Variants in MIS18BP1 observed in about 807,000 individuals in gnomAD.
The protein encoded by MIS18BP1 is mis18-binding protein 1.
A neutral mutation model predicts 116.1 loss-of-function variants in MIS18BP1; 72 were observed. The ratio of observed to expected loss-of-function variants is 0.62; its 90% CI spans 0.51 to 0.75. The LOEUF (loss-of-function observed/expected upper bound fraction) is 0.75. MIS18BP1 is among the 30% of genes least tolerant of loss of function. The pLI is 0.00. For missense variants in MIS18BP1, 1,363 were observed against 1,303.2 expected (o/e 1.05, Z -0.71); for synonymous variants, 386 against 427.0 (o/e 0.90, Z 1.18).
intron 13 of MIS18BP1, among the ~76,000 whole-genome samples, chr14:45,214,173 G>C (rs746842592): frequency 1.1e-4 from 16 of 152,174 alleles, no homozygotes; most frequent in Non-Finnish European, 1.6e-4. Flanking sequence ...TAGTAAAATA[G>C]GAAGTCCTCT....
chr14:45,228,278 T>G (rs1457388839), intron 8 of MIS18BP1, among the ~76,000 whole-genome samples: 3 of 152,256 alleles, frequency 2.0e-5, no homozygotes, highest in African/African-American at 7.2e-5. Context: ...CTACGCTACA[T>G]TTTGTTTGAA....
intron 11 of MIS18BP1, among the ~76,000 whole-genome samples, chr14:45,220,707 C>T (rs1449869656): frequency 6.6e-6 from 1 of 152,174 alleles, no homozygotes; most frequent in Non-Finnish European, 1.5e-5. Context: ...TGAAAGAATG[C>T]ACCCTAATTT....
At position 45,204,284 on chromosome 14, in the gene MIS18BP1, A is replaced by G. The variant is rs766454872; in HGVS notation, c.3296-72T>C. 5.0e-5 allele frequency: 77 copies of G among 1,537,090 alleles called. No homozygotes were observed. The Middle Eastern group carries it at 2.3e-3, about 46-fold the overall frequency. On this transcript the variant is annotated intron_variant, in intron 16 of 16. Coordinates refer to ENST00000310806, the MANE Select transcript of MIS18BP1 (RefSeq NM_018353.5). ...TTTCAATAAAACTGAAAACAACTAT[A>G]AGGAATAAAATGCTAAGTCTGTCCA... is the stretch of plus-strand genomic sequence containing the variant.
At chr14:45,239,168 T>A (rs1282650494) in intron 4 of MIS18BP1, among the ~76,000 whole-genome samples, 1 of 152,222 alleles carries the variant, frequency 6.6e-6, no homozygotes, top group Non-Finnish European at 1.5e-5. Context: ...TGTTGAGTTC[T>A]ACACACTGTT....
intron 6 of MIS18BP1, 110 bp downstream of exon 6, chr14:45,235,704 C>A (rs1340952092): frequency 2.3e-6 from 2 of 862,618 alleles, no homozygotes; most frequent in Admixed American, 3.6e-5. Context: ...TTGATTTATT[C>A]ATAATTTAAA....
chr14:45,227,502 G>A (rs990722916), intron 9 of MIS18BP1, among the ~76,000 whole-genome samples, 161 bp downstream of exon 9: 1 of 147,842 alleles, frequency 6.8e-6, no homozygotes, highest in Non-Finnish European at 1.5e-5. Flanking sequence ...CCGAGATCAC[G>A]CCACTGCACT....
In MIS18BP1 at chr14:45,224,717, C is replaced by A; in HGVS notation, c.1870G>T (p.Asp624Tyr). The A allele has an allele frequency of 1.9e-6, 3 of 1,592,946 alleles. No homozygotes were observed. The highest frequency in any genetic ancestry group is 2.6e-6 in the Non-Finnish European group (3 of 1,173,554). The change falls in exon 11 of 17, where the codon GAT (aspartate) becomes TAT (tyrosine). Residue 624 changes from aspartate (D) to tyrosine (Y), a missense_variant. By Grantham distance (160) the Asp-to-Tyr change is radical (BLOSUM62 -3). Transcript: ENST00000310806. ...ETTEELDVSI[D>Y]ILTSREQFFS... ...AACTGTTCCCTTGAGGTTAGAATATCAATGGATACATCCAATTCTTCAGTT... is the reference window on the plus strand; with the variant it reads ...AACTGTTCCCTTGAGGTTAGAATATAAATGGATACATCCAATTCTTCAGTT...
chr14:45,220,737 C>A (rs1890949956), intron 11 of MIS18BP1, among the ~76,000 whole-genome samples: 1 of 152,148 alleles, frequency 6.6e-6, no homozygotes, highest in African/African-American at 2.4e-5. Flanking sequence ...GAAAGTACGA[C>A]AGAAATCAGG....
intron 1 of MIS18BP1, among the ~76,000 whole-genome samples, chr14:45,249,310 TC>T (rs1202305021): frequency 6.6e-6 from 1 of 152,158 alleles, no homozygotes; most frequent in Non-Finnish European, 1.5e-5. Flanking sequence ...CAGGCTGGTC[TC>T]CTGACCTCAG....
At chr14:45,230,542 G>T (rs1891245496) in intron 8 of MIS18BP1, among the ~76,000 whole-genome samples, 1 of 152,088 alleles carries the variant, frequency 6.6e-6, no homozygotes, top group South Asian at 2.1e-4. Context: ...TTGGGTCAAG[G>T]AAATTAAAAG....
chr14:45,208,104 G>T (rs1417344617), intron 14 of MIS18BP1, among the ~76,000 whole-genome samples: 2 of 152,088 alleles, frequency 1.3e-5, no homozygotes, highest in Non-Finnish European at 2.9e-5. Flanking sequence ...CCTAGCTTTT[G>T]AAAACTACTA....
intron 2 of MIS18BP1, among the ~76,000 whole-genome samples, chr14:45,244,959 T>C (rs544064392): frequency 2.0e-4 from 31 of 152,334 alleles, no homozygotes; most frequent in African/African-American, 7.2e-4. Context: ...ATTTTTTTTC[T>C]TCCTACTCCA....
intron 5 of MIS18BP1, 63 bp from the exon 6 acceptor site, chr14:45,236,007 T>C (rs1891420780): frequency 1.4e-6 from 2 of 1,416,060 alleles, no homozygotes; most frequent in Non-Finnish European, 9.7e-7. Flanking sequence ...TAACAGAAAA[T>C]AATTTTACAC....
intron 9 of MIS18BP1, 66 bp downstream of exon 9, chr14:45,227,597 C>CT (rs1253009903): frequency 1.4e-6 from 2 of 1,394,756 alleles, no homozygotes; most frequent in Non-Finnish European, 2.0e-6. Flanking sequence ...GGTCCCAAAC[C>CT]TTTTCAGTAG....
rs1193968275 is a variant in MIS18BP1 at position 45,237,597 on chromosome 14, C to T, written c.1217+51G>A. 3.2e-6 allele frequency: 5 copies of T among 1,563,968 alleles called. No individual in the cohort carries two copies. The South Asian group carries it at 4.8e-5, about 15-fold the overall frequency. On this transcript the variant is annotated intron_variant, in intron 5 of 16. Transcript: ENST00000310806. The stretch of plus-strand genomic sequence containing the variant: ...TTTCTCATGCATTAACTCTTAAGTG[C>T]TTACACATAACTAAAGTTTTATTAA...
intron 4 of MIS18BP1, among the ~76,000 whole-genome samples, chr14:45,241,146 G>A (rs114355384): frequency 0.029 from 4,351 of 152,228 alleles, 226 homozygotes; most frequent in African/African-American, 0.099. Flanking sequence ...ATTTATACAT[G>A]ATCTCAACTT....
intron 10 of MIS18BP1, 102 bp from the exon 11 acceptor site, chr14:45,224,848 T>A (rs1438177737): frequency 1.1e-6 from 1 of 915,410 alleles, no homozygotes; most frequent in Non-Finnish European, 1.6e-6. Context: ...ATACTATTTT[T>A]ATCCACGAGC....
At chr14:45,237,514 T>G in intron 5 of MIS18BP1, 134 bp downstream of exon 5, 1 of 1,039,042 alleles carries the variant, frequency 9.6e-7, no homozygotes, top group Non-Finnish European at 1.3e-6. Flanking sequence ...CACAGTAATT[T>G]TACTTTTTTG....
rs750343229 is a variant in MIS18BP1, at chr14:45,224,320, T to G, written c.2267A>C (p.Asn756Thr). Residue 756 changes from asparagine to threonine, a missense_variant, in exon 11 of 17, where the codon AAT becomes ACT. Asn to Thr is a moderately conservative substitution (Grantham distance 65). Transcript: ENST00000310806. ...CTTATAAAATGACATAGCTACCTGA[T>G]TTTCTATTTTCTTCAATTTTGGTAA... ...RLLPKLKKIENQVAMSFYKHQ... is the reference protein window; with the variant it reads ...RLLPKLKKIETQVAMSFYKHQ... 1.9e-6 allele frequency: 3 copies of G among 1,613,834 alleles called. No individual in the cohort carries two copies. Among genetic ancestry groups the G allele is most frequent in the East Asian group, 2.2e-5 (1 of 44,870 alleles).
Sources: gnomAD v4.1 joint callset for allele counts (sites outside exome capture counted in the v4.1 genomes callset) on GRCh38, gnomAD v4.1.1 for gene constraint, MANE v1.5 for transcripts, NCBI Gene and HGNC (gene_info 2026-07-23, HGNC 2026-07-21) for gene names.